The following STAMBP variants were observed in gnomAD, a reference collection of about 807,000 sequenced individuals.
STAMBP encodes STAM-binding protein.
STAMBP carries 31 observed loss-of-function variants against 50.7 expected under a neutral mutation model. The ratio of observed to expected loss-of-function variants is 0.61; its 90% CI spans 0.46 to 0.83. The LOEUF is 0.83. STAMBP is among the 40% of genes least tolerant of loss of function. STAMBP has a pLI of 0.00. For synonymous variants in STAMBP, 211 were observed against 192.4 expected (o/e 1.10, Z -0.80); for missense variants, 472 against 518.9 (o/e 0.91, Z 0.88).
At position 73,866,273 on chromosome 2, in the gene STAMBP, CT is replaced by C. The variant is rs1414891894; in HGVS notation, c.*4017del. ...ACCATGGGCTCTGTCCTTCCAGTTCCTTTAGTGCCTTCCCTCACTGGTAGGT... is the reference window on the plus strand; with the variant it reads ...ACCATGGGCTCTGTCCTTCCAGTTCCTTAGTGCCTTCCCTCACTGGTAGGT... On this transcript the variant is annotated 3_prime_UTR_variant, in exon 10 of 10. Transcript: ENST00000394070. 1 of 152,268 alleles carries C rather than the reference CT, an allele frequency of 6.6e-6. No individual in the cohort carries two copies. The highest frequency in any genetic ancestry group is 1.9e-4 in the East Asian group (1 of 5,202). The allele number at this position is 152,268 out of a possible 1,614,324, so 9.4% of individuals were successfully genotyped here. A position where few individuals can be genotyped will look rare whatever the true frequency, so the allele number is the denominator to read the frequency against.
chr2:73,849,223 A>T, intron 5 of STAMBP, 140 bp from the exon 6 acceptor site: 5 of 1,236,706 alleles, frequency 4.0e-6, no homozygotes, highest in Admixed American at 4.2e-5. Context: ...TGGTGCCATT[A>T]GAATGAGATC....
rs545638581 is a variant in STAMBP at position 73,835,147 on chromosome 2, A to G, written c.203+4088A>G. On this transcript the variant is annotated intron_variant, in intron 2 of 9. Transcript: ENST00000394070. ...TCAGCACTTTGGGAGGCCACCCTGG[A>G]GTTCAAGGCCAGCCTGGCCAACATG... 2.6e-5 allele frequency among the ~76,000 whole-genome samples: 4 copies of G among 152,224 alleles called. No individual in the cohort carries two copies. The East Asian group carries it at 7.7e-4, about 29-fold the overall frequency.
intron 7 of STAMBP, among the ~76,000 whole-genome samples, chr2:73,857,818 A>C (rs1677752110): frequency 6.6e-6 from 1 of 151,954 alleles, no homozygotes; most frequent in Non-Finnish European, 1.5e-5. Flanking sequence ...GCATCTCCCC[A>C]CGATTGCTCT....
chr2:73,838,663 A>G (rs747848189), intron 2 of STAMBP, among the ~76,000 whole-genome samples: 2 of 152,186 alleles, frequency 1.3e-5, no homozygotes, highest in Non-Finnish European at 2.9e-5. Context: ...TTTGAGTGAC[A>G]TATTAGTGTT....
intron 2 of STAMBP, among the ~76,000 whole-genome samples, chr2:73,843,112 C>T (rs1383460334): frequency 6.6e-6 from 1 of 150,730 alleles, no homozygotes; most frequent in East Asian, 1.9e-4. Context: ...TTAATAGATT[C>T]TTCAGGACTT....
chr2:73,832,102 T>C (rs1674009998), intron 2 of STAMBP, among the ~76,000 whole-genome samples: 3 of 135,670 alleles, frequency 2.2e-5, no homozygotes, highest in African/African-American at 9.1e-5. Flanking sequence ...TATATATATA[T>C]ATATATACAC....
chr2:73,842,329 C>T (rs962189506), intron 2 of STAMBP, among the ~76,000 whole-genome samples: 1 of 152,162 alleles, frequency 6.6e-6, no homozygotes, highest in African/African-American at 2.4e-5. Context: ...TCCCACACCC[C>T]AAAGGTCTGC....
At chr2:73,849,954 A>G (rs758597244) in intron 6 of STAMBP, among the ~76,000 whole-genome samples, 21 of 152,214 alleles carry the variant, frequency 1.4e-4, no homozygotes, top group Non-Finnish European at 2.2e-4. Flanking sequence ...TAAAGAACCC[A>G]TTACTGCTGA....
intron 9 of STAMBP, chr2:73,860,577 C>T: frequency 1.0e-6 from 1 of 985,268 alleles, no homozygotes; most frequent in Non-Finnish European, 1.2e-6. Context: ...AAAAGAGAAG[C>T]CACTTCAGAT....
Position 73,862,399 on chromosome 2 carries a change from G to A in STAMBP, c.*140G>A, listed in dbSNP as rs1804939. The A allele has an allele frequency of 1.1e-4, 60 of 541,694 alleles. No individual in the cohort carries two copies. The highest frequency in any genetic ancestry group is 8.9e-6 in the Non-Finnish European group (3 of 337,948). The allele number at this position is 541,694 out of a possible 1,614,324, so 33.6% of individuals were successfully genotyped here. ...CATCACCTGAGAAAGAGCTGATTTT[G>A]TATTTCAGGTTTGAAAAGAAATAAC... On this transcript the variant is annotated 3_prime_UTR_variant, in exon 10 of 10. Transcript: ENST00000394070.
intron 10 of STAMBP, among the ~76,000 whole-genome samples, chr2:73,872,813 G>A (rs745509441): frequency 1.3e-5 from 2 of 152,186 alleles, no homozygotes; most frequent in Non-Finnish European, 2.9e-5. Flanking sequence ...ATATGAGAAA[G>A]AGAAAATAAA....
chr2:73,834,237 ATATATATATATATAT>A (rs1168086449), intron 2 of STAMBP, among the ~76,000 whole-genome samples: 10 of 11,200 alleles, frequency 8.9e-4, no homozygotes, highest in Non-Finnish European at 1.4e-3. Flanking sequence ...AAAAAAAAAA[ATATATATATATATAT>A]ATATATATAT....
rs1231706719 is a variant in STAMBP at position 73,866,012 on chromosome 2, G to A, written c.*3753G>A. On this transcript the variant is annotated 3_prime_UTR_variant, in exon 10 of 10. Transcript: ENST00000394070. The stretch of plus-strand genomic sequence containing the variant: ...ATTACATCATCTCTATTTTCCCTTG[G>A]CTCCAGCCCACTCTTGTTTGAACCT... 6.6e-6 allele frequency: 1 copy of A among 152,180 alleles called. No homozygotes were observed. The highest frequency in any genetic ancestry group is 2.4e-5 in the African/African-American group (1 of 41,426). The allele number at this position is 152,180 out of a possible 1,614,324, so 9.4% of individuals were successfully genotyped here. A position where few individuals can be genotyped will look rare whatever the true frequency, so the allele number is the denominator to read the frequency against.
intron 7 of STAMBP, among the ~76,000 whole-genome samples, chr2:73,857,702 TCAGA>T (rs1292913969): frequency 2.0e-5 from 3 of 152,180 alleles, no homozygotes; most frequent in Non-Finnish European, 4.4e-5. Flanking sequence ...TTATCATTCA[TCAGA>T]CACTCTACAG....
chr2:73,855,007 C>T (rs979897031), intron 7 of STAMBP, among the ~76,000 whole-genome samples: 2 of 152,100 alleles, frequency 1.3e-5, no homozygotes, highest in African/African-American at 2.4e-5. Context: ...CAAAAACAAA[C>T]GAAAAGCAGA....
downstream of STAMBP, among the ~76,000 whole-genome samples, chr2:73,871,390 CA>C (rs199662643): frequency 1.5e-4 from 22 of 151,098 alleles, no homozygotes; most frequent in African/African-American, 4.9e-4. Context: ...CGAAAAATAC[CA>C]AAAAAAATTA....
intron 2 of STAMBP, among the ~76,000 whole-genome samples, chr2:73,834,279 AT>A (rs1674444634): frequency 2.2e-5 from 2 of 91,238 alleles, no homozygotes; most frequent in East Asian, 6.8e-4. Context: ...ATATATATAT[AT>A]ATATATAAAG....
chr2:73,855,661 T>C (rs762437808), intron 7 of STAMBP: 7 of 455,984 alleles, frequency 1.5e-5, no homozygotes, highest in South Asian at 1.1e-4. Context: ...ACATGCCCCA[T>C]GAAGACTTGT....
At chr2:73,836,696 C>T (rs1487480347) in intron 2 of STAMBP, among the ~76,000 whole-genome samples, 1 of 152,222 alleles carries the variant, frequency 6.6e-6, no homozygotes, top group Non-Finnish European at 1.5e-5. Flanking sequence ...GGAACAGGGC[C>T]TTCTTCCTCC....
Sources: gnomAD v4.1 joint callset for allele counts (sites outside exome capture counted in the v4.1 genomes callset) on GRCh38, gnomAD v4.1.1 for gene constraint, MANE v1.5 for transcripts, NCBI Gene and HGNC (gene_info 2026-07-23, HGNC 2026-07-21) for gene names.